Variants in TENM3 observed in about 807,000 individuals in gnomAD.
TENM3 encodes teneurin transmembrane protein 3.
TENM3 carries 63 observed loss-of-function variants against 255.1 expected under a neutral mutation model. The ratio of observed to expected loss-of-function variants is 0.25; its 90% confidence interval spans 0.20 to 0.30. The LOEUF (loss-of-function observed/expected upper bound fraction) is 0.30, where lower values mean the gene tolerates loss of function less well. TENM3 is among the 10% of genes least tolerant of loss of function. The pLI, the probability that TENM3 is intolerant of heterozygous loss-of-function variation, is 1.00. For synonymous variants in TENM3, 1,306 were observed against 1,322.3 expected (o/e 0.99, Z 0.27); for missense variants, 2,929 against 3,461.1 (o/e 0.85, Z 3.86).
At chr4:181,854,245 TGG>T in the TENM3 span, among the ~76,000 whole-genome samples, 1 of 152,210 alleles carries the variant, frequency 6.6e-6, no homozygotes, top group African/African-American at 2.4e-5. Flanking sequence ...AAACCCCCTC[TGG>T]TATAGTACAG....
the TENM3 span, among the ~76,000 whole-genome samples, chr4:181,491,724 A>T: frequency 6.6e-6 from 1 of 152,102 alleles, no homozygotes; most frequent in South Asian, 2.1e-4. Flanking sequence ...GTTTGCAGAG[A>T]TGAGTGCTAT....
the TENM3 span, among the ~76,000 whole-genome samples, chr4:181,465,961 C>A: frequency 6.6e-6 from 1 of 152,094 alleles, no homozygotes; most frequent in Admixed American, 6.5e-5. Context: ...ATTTAAAACT[C>A]TTCAGTTGAC....
the TENM3 span, among the ~76,000 whole-genome samples, chr4:181,952,420 T>C: frequency 6.6e-6 from 1 of 152,260 alleles, no homozygotes; most frequent in African/African-American, 2.4e-5. Context: ...ATTGAATTAC[T>C]GTACAACACA....
chr4:181,493,658 G>A, the TENM3 span, among the ~76,000 whole-genome samples: 3 of 151,776 alleles, frequency 2.0e-5, no homozygotes, highest in African/African-American at 7.3e-5. Flanking sequence ...GAGGCAGGAG[G>A]CACAGGAGCC....
the TENM3 span, among the ~76,000 whole-genome samples, chr4:181,577,179 T>C: frequency 7.7e-6 from 1 of 129,934 alleles, no homozygotes; most frequent in African/African-American, 3.0e-5. Flanking sequence ...TATTATATTA[T>C]ATTATATATT....
At chr4:181,641,244 G>T in the TENM3 span, among the ~76,000 whole-genome samples, 4 of 151,758 alleles carry the variant, frequency 2.6e-5, no homozygotes, top group Non-Finnish European at 4.4e-5. Context: ...GTGCAGGTTT[G>T]TTACATGGGT....
the TENM3 span, among the ~76,000 whole-genome samples, chr4:181,942,526 G>A: frequency 6.6e-6 from 1 of 152,068 alleles, no homozygotes; most frequent in Non-Finnish European, 1.5e-5. Flanking sequence ...AGCCATCAGG[G>A]CAGCTATGTG....
At chr4:181,667,113 T>C in the TENM3 span, among the ~76,000 whole-genome samples, 1 of 152,190 alleles carries the variant, frequency 6.6e-6, no homozygotes, top group Non-Finnish European at 1.5e-5. Context: ...TCAAAACTTT[T>C]AATTTTGCTT....
intron 1 of TENM3, among the ~76,000 whole-genome samples, chr4:182,217,382 C>T (rs1237148301): frequency 2.6e-5 from 4 of 152,172 alleles, no homozygotes; most frequent in African/African-American, 7.2e-5. Flanking sequence ...ACTAGTACTA[C>T]TGCAACAAAG....
At chr4:182,320,718 T>C (rs1763000256) in intron 1 of TENM3, among the ~76,000 whole-genome samples, 1 of 152,176 alleles carries the variant, frequency 6.6e-6, no homozygotes, top group Non-Finnish European at 1.5e-5. Flanking sequence ...CAGTTCCTAT[T>C]GCAGCCACTC....
the TENM3 span, among the ~76,000 whole-genome samples, chr4:181,672,851 A>G: frequency 1.3e-5 from 2 of 152,272 alleles, no homozygotes; most frequent in African/African-American, 4.8e-5. Context: ...AAGCTCAAAG[A>G]GTTAAGTACT....
the TENM3 span, among the ~76,000 whole-genome samples, chr4:181,597,801 T>C: frequency 6.6e-6 from 1 of 152,172 alleles, no homozygotes; most frequent in African/African-American, 2.4e-5. Context: ...GTAATTCAGC[T>C]CCAGAGTTGC....
chr4:182,562,035 C>G (rs1209844500), intron 3 of TENM3, among the ~76,000 whole-genome samples: 3 of 128,876 alleles, frequency 2.3e-5, no homozygotes, highest in Non-Finnish European at 5.0e-5. Context: ...TAGATAGATA[C>G]ACACCCTAAC....
chr4:182,608,193 G>A (rs1170384605), intron 4 of TENM3, among the ~76,000 whole-genome samples: 1 of 151,906 alleles, frequency 6.6e-6, no homozygotes, highest in Non-Finnish European at 1.5e-5. Context: ...CTTGCTACCT[G>A]GTGATTTTAT....
At chr4:182,132,107 C>G in the TENM3 span, among the ~76,000 whole-genome samples, 1 of 152,152 alleles carries the variant, frequency 6.6e-6, no homozygotes, top group Non-Finnish European at 1.5e-5. Flanking sequence ...TTCTGTAAGT[C>G]TAGCCTTCAA....
the TENM3 span, among the ~76,000 whole-genome samples, chr4:181,625,398 G>T: frequency 1.7e-4 from 26 of 152,178 alleles, no homozygotes; most frequent in Admixed American, 1.7e-3. Context: ...TTTTTCCCTT[G>T]ATTGTTCTGC....
chr4:182,228,832 T>A (rs1056771400), intron 1 of TENM3, among the ~76,000 whole-genome samples: 1 of 152,134 alleles, frequency 6.6e-6, no homozygotes, highest in Admixed American at 6.5e-5. Flanking sequence ...AATGATGGAT[T>A]TTTGTATAAT....
the TENM3 span, among the ~76,000 whole-genome samples, chr4:182,000,415 G>C: frequency 6.6e-6 from 1 of 152,004 alleles, no homozygotes; most frequent in South Asian, 2.1e-4. Flanking sequence ...CCTGTCCTTT[G>C]AAAGGAAACC....
At chr4:181,638,082 C>T in the TENM3 span, among the ~76,000 whole-genome samples, 5 of 152,144 alleles carry the variant, frequency 3.3e-5, no homozygotes, top group Non-Finnish European at 2.9e-5. Context: ...TTATCCTATT[C>T]CCTTTACCTA....
Sources: gnomAD v4.1 joint callset for allele counts (sites outside exome capture counted in the v4.1 genomes callset) on GRCh38, gnomAD v4.1.1 for gene constraint, MANE v1.5 for transcripts, NCBI Gene and HGNC (gene_info 2026-07-23, HGNC 2026-07-21) for gene names.